ULK4: variants seen among roughly 807,000 people sequenced by gnomAD.
The protein encoded by ULK4 is unc-51 like kinase 4.
A neutral mutation model predicts 160.6 loss-of-function variants in ULK4; 133 were observed. The ratio of observed to expected loss-of-function variants is 0.83; its 90% CI spans 0.72 to 0.96. The LOEUF (loss-of-function observed/expected upper bound fraction) is 0.96, where lower values mean the gene tolerates loss of function less well. Among genes scored for constraint, ULK4 ranks in the 40% least tolerant of loss-of-function variants. The pLI is 0.00. For synonymous variants in ULK4, 534 were observed against 539.8 expected (o/e 0.99, Z 0.15); for missense variants, 1,580 against 1,499.5 (o/e 1.05, Z -0.89).
intron 34 of ULK4, among the ~76,000 whole-genome samples, chr3:41,452,249 A>C (rs2083440864): frequency 6.6e-6 from 1 of 152,184 alleles, no homozygotes; most frequent in Admixed American, 6.5e-5. Flanking sequence ...TCCAGGGTAG[A>C]GAATTAAGTC....
intron 21 of ULK4, among the ~76,000 whole-genome samples, chr3:41,781,500 G>A (rs2039840716): frequency 6.6e-6 from 1 of 151,318 alleles, no homozygotes; most frequent in South Asian, 2.1e-4. Context: ...TAATGACTTT[G>A]TGAATATATT....
At chr3:41,356,302 C>T (rs1011542596) in intron 35 of ULK4, among the ~76,000 whole-genome samples, 4 of 152,186 alleles carry the variant, frequency 2.6e-5, no homozygotes, top group Non-Finnish European at 5.9e-5. Context: ...ATAGACGAGA[C>T]CTGAAGCTGC....
chr3:41,855,272 T>C (rs2042309182), intron 17 of ULK4, among the ~76,000 whole-genome samples: 1 of 145,482 alleles, frequency 6.9e-6, no homozygotes, highest in Non-Finnish European at 1.5e-5. Context: ...AGCTGCCCTC[T>C]GGAAACCACA....
intron 30 of ULK4, among the ~76,000 whole-genome samples, chr3:41,617,806 G>A (rs1821778): frequency 0.061 from 9,320 of 152,104 alleles, 967 homozygotes; most frequent in African/African-American, 0.21. Flanking sequence ...TTCAGAAGGC[G>A]GGTGATAACA....
chr3:41,516,930 T>C (rs979993415), intron 32 of ULK4, among the ~76,000 whole-genome samples: 5 of 152,186 alleles, frequency 3.3e-5, no homozygotes, highest in African/African-American at 9.7e-5. Flanking sequence ...AATCATCTCA[T>C]GTATCCCATA....
At chr3:41,738,081 G>A (rs907397799) in intron 22 of ULK4, among the ~76,000 whole-genome samples, 2 of 151,750 alleles carry the variant, frequency 1.3e-5, no homozygotes, top group Admixed American at 6.6e-5. Context: ...AATATGTAGG[G>A]GTGATAATAT....
chr3:41,883,547 C>G (rs1697599387), intron 17 of ULK4, among the ~76,000 whole-genome samples: 1 of 152,176 alleles, frequency 6.6e-6, no homozygotes, highest in Admixed American at 6.5e-5. Flanking sequence ...GTAAGCTATG[C>G]TTTAACTAGG....
At chr3:41,649,301 T>C (rs1259944216) in intron 30 of ULK4, among the ~76,000 whole-genome samples, 1 of 152,066 alleles carries the variant, frequency 6.6e-6, no homozygotes, top group Non-Finnish European at 1.5e-5. Flanking sequence ...TGGCCAAGGA[T>C]GCACACTCTG....
intron 30 of ULK4, among the ~76,000 whole-genome samples, chr3:41,652,251 C>T (rs964491216): frequency 7.9e-5 from 12 of 151,846 alleles, no homozygotes; most frequent in African/African-American, 2.9e-4. Context: ...ATATAAATAA[C>T]ATCAAAACAA....
At chr3:41,586,807 C>G (rs751217049) in intron 31 of ULK4, among the ~76,000 whole-genome samples, 7 of 151,966 alleles carry the variant, frequency 4.6e-5, no homozygotes, top group Non-Finnish European at 8.8e-5. Flanking sequence ...ATGAAAAGAA[C>G]TTAAAAGATG....
In ULK4 at chr3:41,633,794, C is replaced by T. The variant is rs147572263; in HGVS notation, c.3072-18077G>A. Reference sequence around the variant, plus strand: ...GAATGCATGAGGGGAGAGAAGAGATCTAAAATGACTCCAGGTACTTGATTT... The same window carrying T: ...GAATGCATGAGGGGAGAGAAGAGATTTAAAATGACTCCAGGTACTTGATTT... On this transcript the variant is annotated intron_variant, in intron 30 of 36. Coordinates refer to ENST00000301831, the MANE Select transcript of ULK4 (RefSeq NM_017886.4). 5.2e-3 allele frequency among the ~76,000 whole-genome samples: 785 copies of T among 152,174 alleles called. 5 individuals are homozygous for T. Among genetic ancestry groups the T allele is most frequent in the African/African-American group, 0.018 (755 of 41,520 alleles).
At chr3:41,800,920 T>C (rs1043711380) in intron 19 of ULK4, among the ~76,000 whole-genome samples, 12 of 152,176 alleles carry the variant, frequency 7.9e-5, no homozygotes, top group Non-Finnish European at 1.3e-4. Context: ...CAGAAGTACT[T>C]ACAGAAATTT....
At chr3:41,330,995 T>C (rs1009188760) in intron 35 of ULK4, among the ~76,000 whole-genome samples, 1 of 152,132 alleles carries the variant, frequency 6.6e-6, no homozygotes, top group Non-Finnish European at 1.5e-5. Context: ...ATTTAACACA[T>C]ACACACCTCC....
At chr3:41,880,990 T>C (rs1697496688) in intron 17 of ULK4, among the ~76,000 whole-genome samples, 1 of 152,132 alleles carries the variant, frequency 6.6e-6, no homozygotes, top group Non-Finnish European at 1.5e-5. Context: ...ATTTTTCCTG[T>C]TCACTGAGAG....
intron 29 of ULK4, among the ~76,000 whole-genome samples, chr3:41,681,053 A>G (rs2035906490): frequency 6.6e-6 from 1 of 152,092 alleles, no homozygotes; most frequent in Admixed American, 6.6e-5. Context: ...CGCCACCTCC[A>G]CCCAACCCCT....
At position 41,799,825 on chromosome 3, in the gene ULK4, T is replaced by A. The variant is rs569938026; in HGVS notation, c.2010+307A>T. The stretch of plus-strand genomic sequence containing the variant: ...TTGCAGTAAGCCAAGATCACACCAC[T>A]GCACTCCAGCCTGGATGACAGAGGG... On this transcript the variant is annotated intron_variant, in intron 20 of 36. Transcript: ENST00000301831. 9.3e-4 allele frequency among the ~76,000 whole-genome samples: 141 copies of A among 152,258 alleles called. 1 individual carries two copies. Among genetic ancestry groups the A allele is most frequent in the African/African-American group, 2.9e-3 (120 of 41,548 alleles).
At chr3:41,885,944 C>G (rs777685508) in intron 16 of ULK4, among the ~76,000 whole-genome samples, 1 of 152,050 alleles carries the variant, frequency 6.6e-6, no homozygotes, top group Non-Finnish European at 1.5e-5. Context: ...TCCCAAAGTG[C>G]TAGGATTACA....
rs752839858 is a variant in ULK4, at chr3:41,800,306, G to A, written c.1849-13C>T. The A allele has an allele frequency of 1.3e-6, 2 of 1,599,330 alleles. No homozygotes were observed. Among genetic ancestry groups the A allele is most frequent in the Non-Finnish European group, 8.5e-7 (1 of 1,174,372 alleles). On this transcript the variant is annotated splice_polypyrimidine_tract_variant and intron_variant, in intron 19 of 36. Coordinates refer to ENST00000301831, the MANE Select transcript of ULK4 (RefSeq NM_017886.4). ...CAACACGCTCTTCCTATAGAGAAAG[G>A]AGATTAAAATAATATTAGTGTGAGA...
Position 41,717,816 on chromosome 3 carries a change from G to C in ULK4, c.2367C>G (p.Gly789=). The C allele has an allele frequency of 6.2e-7, 1 of 1,614,046 alleles. No individual in the cohort carries two copies. Among genetic ancestry groups the C allele is most frequent in the Non-Finnish European group, 8.5e-7 (1 of 1,180,000 alleles). ...ATTCATTGCCACTTTGCTGCTCCTT[G>C]CCTGGAGTGGTCTTTCTGCTGTCTC... is the stretch of plus-strand genomic sequence containing the variant. The part of the protein sequence containing the change: ...IERDSRKTTP[G]KEQQSGNEYL... The change falls in exon 23 of 37, where the codon GGC becomes GGG. Residue 789 remains glycine, a synonymous_variant. Transcript: ENST00000301831.
Sources: gnomAD v4.1 joint callset for allele counts (sites outside exome capture counted in the v4.1 genomes callset) on GRCh38, gnomAD v4.1.1 for gene constraint, MANE v1.5 for transcripts, NCBI Gene and HGNC (gene_info 2026-07-23, HGNC 2026-07-21) for gene names.